BANK1: variants seen among roughly 807,000 people sequenced by gnomAD.
BANK1 encodes the protein B-cell scaffold protein with ankyrin repeats.
In BANK1, 95 loss-of-function variants were observed where a neutral mutation model predicts 94.5. The observed-to-expected ratio is 1.00, with a 90% CI of 0.85 to 1.19. The LOEUF is 1.19. Among genes scored for constraint, BANK1 ranks in the 50% most tolerant of loss-of-function variants. The pLI, the probability that BANK1 is intolerant of heterozygous loss-of-function variation, is 0.00. For synonymous variants in BANK1, 334 were observed against 308.4 expected (o/e 1.08, Z -0.87); for missense variants, 987 against 932.2 (o/e 1.06, Z -0.77).
chr4:102,021,184 A>G (rs568270276), intron 7 of BANK1, among the ~76,000 whole-genome samples: 4 of 152,244 alleles, frequency 2.6e-5, no homozygotes, highest in Non-Finnish European at 5.9e-5. Flanking sequence ...AGAAAAGCTC[A>G]TAGTTTTCAA....
At chr4:102,037,180 A>C (rs546868953) in intron 10 of BANK1, among the ~76,000 whole-genome samples, 1 of 152,324 alleles carries the variant, frequency 6.6e-6, no homozygotes, top group African/African-American at 2.4e-5. Context: ...AGACATTTTG[A>C]TTGTCAAGAC....
At position 102,023,430 on chromosome 4, in the gene BANK1, A is replaced by G. The variant is rs531202213; in HGVS notation, c.1286-1771A>G. Among the ~76,000 whole-genome samples, 324 of 152,336 alleles carry G rather than the reference A, an allele frequency of 2.1e-3. 1 individual carries two copies. Among genetic ancestry groups the G allele is most frequent in the African/African-American group, 7.6e-3 (318 of 41,590 alleles). On this transcript the variant is annotated intron_variant, in intron 8 of 16. Transcript: ENST00000322953. ...ATATTTATCATGACGTTTAATTTTC[A>G]GAAGAATTGACTGTAATAATAAAAC...
rs896936596 is a variant in BANK1 at position 101,941,488 on chromosome 4, C to T, written c.1206+23299C>T. On this transcript the variant is annotated intron_variant, in intron 7 of 16. Transcript: ENST00000322953. ...ACCTCAGGCTTACTGGGATTTCCTA[C>T]ATTCCTTGTCTAGAATAAAAGACTT... 6.6e-5 allele frequency among the ~76,000 whole-genome samples: 10 copies of T among 151,906 alleles called. No homozygotes were observed. In the East Asian group the frequency reaches 1.8e-3, roughly 27 times the overall value.
At chr4:101,855,225 T>A in intron 3 of BANK1, 36 bp downstream of exon 3, 2 of 1,591,172 alleles carry the variant, frequency 1.3e-6, no homozygotes, top group South Asian at 2.3e-5. Context: ...AGTGACCCCA[T>A]TGTGTTATGG....
intron 1 of BANK1, among the ~76,000 whole-genome samples, chr4:101,798,162 C>A (rs979621059): frequency 6.6e-6 from 1 of 152,072 alleles, no homozygotes; most frequent in Admixed American, 6.5e-5. Flanking sequence ...TTACAGATGA[C>A]CTTAGAGAAG....
chr4:102,069,145 A>G (rs965929856), intron 13 of BANK1, among the ~76,000 whole-genome samples: 1 of 152,246 alleles, frequency 6.6e-6, no homozygotes, highest in African/African-American at 2.4e-5. Context: ...TTAAGGAAAG[A>G]AGAAGGGCTA....
intron 5 of BANK1, among the ~76,000 whole-genome samples, chr4:101,884,674 A>T (rs903323411): frequency 6.6e-6 from 1 of 152,174 alleles, no homozygotes; most frequent in East Asian, 1.9e-4. Context: ...TCTCCTTAAT[A>T]TCTTCTTACA....
At chr4:101,918,890 T>A (rs1349177402) in intron 7 of BANK1, among the ~76,000 whole-genome samples, 1 of 151,918 alleles carries the variant, frequency 6.6e-6, no homozygotes, top group East Asian at 1.9e-4. Flanking sequence ...TCATTGGTAT[T>A]TGAGATTTCC....
At chr4:101,906,182 G>A (rs182864569) in intron 6 of BANK1, among the ~76,000 whole-genome samples, 1 of 152,250 alleles carries the variant, frequency 6.6e-6, no homozygotes, top group African/African-American at 2.4e-5. Flanking sequence ...GTGTAAGAGT[G>A]TCCCAGTCAG....
intron 13 of BANK1, among the ~76,000 whole-genome samples, chr4:102,067,194 T>C (rs1238703322): frequency 6.6e-6 from 1 of 151,922 alleles, no homozygotes; most frequent in Admixed American, 6.6e-5. Context: ...AATAGATTAT[T>C]AAAAAACTAT....
At chr4:101,862,196 A>G (rs1157250392) in intron 3 of BANK1, among the ~76,000 whole-genome samples, 1 of 152,112 alleles carries the variant, frequency 6.6e-6, no homozygotes, top group Non-Finnish European at 1.5e-5. Flanking sequence ...CTGGTCTGCG[A>G]AATGATGCTT....
chr4:101,811,100 A>G (rs560754259), intron 1 of BANK1, among the ~76,000 whole-genome samples: 1 of 152,146 alleles, frequency 6.6e-6, no homozygotes, highest in East Asian at 1.9e-4. Context: ...CAGGGTCAGG[A>G]CTGTTCCTGA....
At chr4:101,824,298 A>G (rs1379197600) in intron 1 of BANK1, among the ~76,000 whole-genome samples, 2 of 152,222 alleles carry the variant, frequency 1.3e-5, no homozygotes, top group Non-Finnish European at 2.9e-5. Flanking sequence ...GAAGTGGTCA[A>G]TAATAACTGA....
chr4:101,939,726 CCA>C (rs767989724), intron 7 of BANK1, among the ~76,000 whole-genome samples: 3 of 151,596 alleles, frequency 2.0e-5, no homozygotes, highest in Non-Finnish European at 4.4e-5. Flanking sequence ...ACTCTCTCTG[CCA>C]CACACAATTT....
At chr4:101,907,361 A>C (rs1318565670) in intron 6 of BANK1, among the ~76,000 whole-genome samples, 4 of 152,246 alleles carry the variant, frequency 2.6e-5, no homozygotes, top group Non-Finnish European at 5.9e-5. Context: ...ACAGCACTTC[A>C]TGCTGAAAAC....
intron 7 of BANK1, among the ~76,000 whole-genome samples, chr4:101,930,261 G>GTGTGTGTGTTTA (rs1328714028): frequency 6.6e-6 from 1 of 151,158 alleles, no homozygotes; most frequent in Non-Finnish European, 1.5e-5. Flanking sequence ...TTGTGTGTGG[G>GTGTGTGTGTTTA]TGTGTGTGTT....
rs1387579938 is a variant in BANK1, at chr4:101,934,626, C to CA, written c.1206+16438dup. On this transcript the variant is annotated intron_variant, in intron 7 of 16. Coordinates refer to ENST00000322953, the MANE Select transcript of BANK1 (RefSeq NM_017935.5). ...TAATAAGCCTCCTAACTAATGTAGT[C>CA]AGTAACCTTATGACCATAGCTGGAA... Among the ~76,000 whole-genome samples, 14 of 151,546 alleles carry CA rather than the reference C, an allele frequency of 9.2e-5. No homozygotes were observed. The East Asian group carries it at 2.7e-3, about 30-fold the overall frequency.
At chr4:101,956,706 C>G (rs932449716) in intron 7 of BANK1, among the ~76,000 whole-genome samples, 16 of 152,172 alleles carry the variant, frequency 1.1e-4, no homozygotes, top group Non-Finnish European at 2.4e-4. Context: ...CCACCTTGCT[C>G]TGCCTTCCTG....
rs79410522 is a variant in BANK1, at chr4:101,953,838, G to A, written c.1206+35649G>A. Among the ~76,000 whole-genome samples, 351 of 152,174 alleles carry A rather than the reference G, an allele frequency of 2.3e-3. 3 individuals are homozygous for A. Among genetic ancestry groups the A allele is most frequent in the Admixed American group, 4.9e-3 (75 of 15,268 alleles). The stretch of plus-strand genomic sequence containing the variant: ...ATAGTACATATATTGCATATTGTGC[G>A]TAATATTTCTTGTACCTCCATTTAT... On this transcript the variant is annotated intron_variant, in intron 7 of 16. Coordinates refer to ENST00000322953, the MANE Select transcript of BANK1 (RefSeq NM_017935.5).
Sources: gnomAD v4.1 joint callset for allele counts (sites outside exome capture counted in the v4.1 genomes callset) on GRCh38, gnomAD v4.1.1 for gene constraint, MANE v1.5 for transcripts, NCBI Gene and HGNC (gene_info 2026-07-23, HGNC 2026-07-21) for gene names.